Variants in OSBPL10 observed in about 807,000 individuals in gnomAD.
OSBPL10 encodes the protein oxysterol-binding protein-related protein 10.
A neutral mutation model predicts 81.7 loss-of-function variants in OSBPL10; 49 were observed. The observed-to-expected ratio is 0.60, with a 90% CI of 0.48 to 0.76. The LOEUF is 0.76. Ranked by LOEUF, OSBPL10 falls within the 30% of genes least tolerant of loss-of-function variation. The pLI, the probability that OSBPL10 is intolerant of heterozygous loss-of-function variation, is 0.00. For synonymous variants in OSBPL10, 419 were observed against 383.6 expected (o/e 1.09, Z -1.08); for missense variants, 923 against 987.8 (o/e 0.93, Z 0.88).
chr3:31,670,143 C>T (rs368802588), intron 9 of OSBPL10, among the ~76,000 whole-genome samples: 3 of 152,166 alleles, frequency 2.0e-5, no homozygotes, highest in South Asian at 4.1e-4. Flanking sequence ...AGGGTGTCCA[C>T]GTGCCCCTGT....
intron 1 of OSBPL10, among the ~76,000 whole-genome samples, chr3:31,887,934 A>G (rs1270623735): frequency 6.6e-6 from 1 of 152,110 alleles, no homozygotes; most frequent in Non-Finnish European, 1.5e-5. Context: ...ATCCTCCCAA[A>G]CCACCAAGAT....
intron 1 of OSBPL10, among the ~76,000 whole-genome samples, chr3:31,913,965 C>G (rs903048462): frequency 1.3e-5 from 2 of 152,134 alleles, no homozygotes; most frequent in Non-Finnish European, 2.9e-5. Flanking sequence ...CTCTGTTGCC[C>G]AAGCTGGAGT....
At chr3:32,036,563 T>C (rs1222729938) in intron 2 of OSBPL10, among the ~76,000 whole-genome samples, 1 of 152,090 alleles carries the variant, frequency 6.6e-6, no homozygotes, top group East Asian at 1.9e-4. Context: ...CCCAACTTAG[T>C]AAGATGCTGG....
At chr3:31,731,527 T>C (rs1045367950) in intron 6 of OSBPL10, among the ~76,000 whole-genome samples, 30 of 151,854 alleles carry the variant, frequency 2.0e-4, no homozygotes, top group African/African-American at 7.2e-4. Context: ...CTCGTTCTGT[T>C]GCCCAGGCTG....
chr3:31,760,565 T>G lies in OSBPL10; in HGVS notation c.730-12445A>C, dbSNP rs74792049. Among the ~76,000 whole-genome samples the G allele has an allele frequency of 1.2e-3, 181 of 152,348 alleles. 1 individual carries two copies. The highest frequency in any genetic ancestry group is 4.3e-3 in the African/African-American group (178 of 41,584). Reference sequence around the variant, plus strand: ...TCATGGGAAAGTGACAAGAAAAAGTTTGTACATGTTCAATATAGATGCAAT... The same window carrying G: ...TCATGGGAAAGTGACAAGAAAAAGTGTGTACATGTTCAATATAGATGCAAT... On this transcript the variant is annotated intron_variant, in intron 4 of 11. Transcript: ENST00000396556.
At chr3:31,720,976 T>G (rs948748882) in intron 6 of OSBPL10, among the ~76,000 whole-genome samples, 4 of 151,704 alleles carry the variant, frequency 2.6e-5, no homozygotes. Flanking sequence ...CAAATGGAAT[T>G]GAGTTTGCTA....
Position 31,830,041 on chromosome 3 carries a change from T to A in OSBPL10, c.728A>T (p.Glu243Val). 6.2e-7 allele frequency: 1 copy of A among 1,612,104 alleles called. No individual in the cohort carries two copies. Among genetic ancestry groups the A allele is most frequent in the Non-Finnish European group, 8.5e-7 (1 of 1,179,476 alleles). ...QYSGQLHEVR[E>V]MMNQVEGQQK... ...ACCTAGTAGGAGAGCAAAGCCTACC[T>A]CTCTGACTTCGTGAAGCTGGCCGGA... The change falls in exon 4 of 12, where the codon GAG becomes GTG. Residue 243 changes from glutamate to valine, a missense_variant and splice_region_variant. Glu to Val is a moderately radical substitution (Grantham distance 121). Transcript: ENST00000396556.
chr3:31,671,027 A>G (rs1372789519), intron 8 of OSBPL10, 44 bp from the exon 9 acceptor site: 3 of 1,531,534 alleles, frequency 2.0e-6, no homozygotes, highest in Non-Finnish European at 2.7e-6. Flanking sequence ...AAACATGTGA[A>G]GAGGGCACTG....
chr3:31,791,026 G>C (rs1053150491), intron 4 of OSBPL10, among the ~76,000 whole-genome samples: 2 of 152,106 alleles, frequency 1.3e-5, no homozygotes, highest in Non-Finnish European at 2.9e-5. Flanking sequence ...AAATGCAAAA[G>C]AAGGGAAGGA....
intron 2 of OSBPL10, chr3:31,991,260 A>G: frequency 2.9e-6 from 1 of 349,874 alleles, no homozygotes; most frequent in Non-Finnish European, 5.4e-6. Context: ...ATCCTGGCCA[A>G]AAGACGTGAG....
chr3:31,747,813 C>A, intron 5 of OSBPL10, 97 bp downstream of exon 5: 1 of 1,254,632 alleles, frequency 8.0e-7, no homozygotes. Flanking sequence ...ATGGATGGAT[C>A]GTAGAGAAAT....
chr3:31,789,212 CCATGTCCGGCTAGGATGTTTATTTCATA>C (rs1251653142), intron 4 of OSBPL10, among the ~76,000 whole-genome samples: 1 of 152,100 alleles, frequency 6.6e-6, no homozygotes, highest in Non-Finnish European at 1.5e-5. Flanking sequence ...GTGTGAGCCA[CCATGTCCGGCTAGGATGTTTATTTCATA>C]CATATATTTA....
intron 5 of OSBPL10, among the ~76,000 whole-genome samples, chr3:31,740,603 G>A (rs1447847295): frequency 1.3e-5 from 2 of 151,664 alleles, no homozygotes; most frequent in Non-Finnish European, 2.9e-5. Context: ...AAAAAAATAG[G>A]TTAAAGAATG....
intron 2 of OSBPL10, among the ~76,000 whole-genome samples, chr3:32,003,410 G>A (rs142555227): frequency 1.0e-3 from 157 of 152,296 alleles, no homozygotes; most frequent in African/African-American, 3.7e-3. Flanking sequence ...ATCCCTGTGT[G>A]GAAAGTGGAG....
At chr3:31,802,438 C>G (rs961110631) in intron 4 of OSBPL10, among the ~76,000 whole-genome samples, 1 of 150,254 alleles carries the variant, frequency 6.7e-6, no homozygotes, top group Non-Finnish European at 1.5e-5. Context: ...TGGTGGCGGG[C>G]ACCTGTAATC....
At chr3:32,026,458 C>A (rs1303122102) in intron 2 of OSBPL10, among the ~76,000 whole-genome samples, 10 of 152,150 alleles carry the variant, frequency 6.6e-5, no homozygotes, top group Non-Finnish European at 1.5e-4. Context: ...TGAGGAATGT[C>A]TTTCTTCTTA....
chr3:31,757,902 T>C (rs768025588), intron 4 of OSBPL10, among the ~76,000 whole-genome samples: 1 of 152,230 alleles, frequency 6.6e-6, no homozygotes, highest in Non-Finnish European at 1.5e-5. Context: ...AGGATTATTT[T>C]GAGAAACTAC....
chr3:31,988,883 A>G (rs1698981540), intron 2 of OSBPL10: 1 of 658,092 alleles, frequency 1.5e-6, no homozygotes, highest in Non-Finnish European at 2.6e-6. Flanking sequence ...CAACCCAGAG[A>G]GACACTGAGC....
intron 6 of OSBPL10, 34 bp from the exon 7 acceptor site, chr3:31,702,542 G>T (rs1159911910): frequency 1.2e-6 from 2 of 1,612,842 alleles, no homozygotes; most frequent in Non-Finnish European, 1.7e-6. Flanking sequence ...ATCACCAGCT[G>T]GCCCAATAGA....
Sources: gnomAD v4.1 joint callset for allele counts (sites outside exome capture counted in the v4.1 genomes callset) on GRCh38, gnomAD v4.1.1 for gene constraint, MANE v1.5 for transcripts, NCBI Gene and HGNC (gene_info 2026-07-23, HGNC 2026-07-21) for gene names.